KIAA1958: variants seen among roughly 807,000 people sequenced by gnomAD.
KIAA1958 encodes the protein uncharacterized protein KIAA1958.
In KIAA1958, 14 loss-of-function variants were observed where a neutral mutation model predicts 47.2. That is an observed-to-expected ratio of 0.30 (90% CI 0.20 to 0.46). The LOEUF is 0.46. Among genes scored for constraint, KIAA1958 ranks in the 20% least tolerant of loss-of-function variants. The probability of loss-of-function intolerance (pLI) is 1.00; values close to 1 mark genes in which losing one functional copy is unlikely to be tolerated. For synonymous variants in KIAA1958, 354 were observed against 353.3 expected, an observed-to-expected ratio of 1.00 and a Z score of -0.02; for missense variants, 803 against 909.2, an observed-to-expected ratio of 0.88 and a Z score of 1.50.
chr9:112,624,249 C>T (rs763741949), intron 2 of KIAA1958, among the ~76,000 whole-genome samples: 25 of 152,206 alleles, frequency 1.6e-4, no homozygotes, highest in Non-Finnish European at 3.2e-4. Flanking sequence ...AGATATGTCT[C>T]TGTACATCTA....
At chr9:112,638,309 C>T (rs568256531) in intron 2 of KIAA1958, among the ~76,000 whole-genome samples, 1 of 151,890 alleles carries the variant, frequency 6.6e-6, no homozygotes, top group Non-Finnish European at 1.5e-5. Flanking sequence ...ATTGAGACCT[C>T]CCTGGGCAAC....
At position 112,574,916 on chromosome 9, in the gene KIAA1958, C is replaced by T; in HGVS notation, c.836C>T (p.Pro279Leu). The stretch of plus-strand genomic sequence containing the variant: ...GCATCCCCCTCTGTGATCTCCAGAC[C>T]AATTGTCCAGAAGACTGCTAGGGTA... ...MSASPSVISR[P>L]IVQKTARVSL... Residue 279 changes from proline (P) to leucine (L), a missense_variant, in exon 2 of 4, where the codon CCA becomes CTA. By Grantham distance (98) the Pro-to-Leu change is moderately conservative. Transcript: ENST00000337530. 6.2e-7 allele frequency: 1 copy of T among 1,614,024 alleles called. No individual in the cohort carries two copies. The highest frequency in any genetic ancestry group is 8.5e-7 in the Non-Finnish European group (1 of 1,179,964).
intron 2 of KIAA1958, among the ~76,000 whole-genome samples, chr9:112,634,126 A>G (rs567921810): frequency 2.6e-5 from 4 of 152,156 alleles, no homozygotes; most frequent in Non-Finnish European, 4.4e-5. Context: ...CCATATCTTC[A>G]CTATCACTTG....
chr9:112,536,870 A>C (rs1031151428), intron 1 of KIAA1958, among the ~76,000 whole-genome samples: 2 of 152,212 alleles, frequency 1.3e-5, no homozygotes, highest in Non-Finnish European at 2.9e-5. Flanking sequence ...TTGAAGATAA[A>C]AAATAATAAT....
At chr9:112,591,383 T>C (rs2131190511) in intron 2 of KIAA1958, among the ~76,000 whole-genome samples, 1 of 151,932 alleles carries the variant, frequency 6.6e-6, no homozygotes, top group East Asian at 2.0e-4. Flanking sequence ...CACACCTGGC[T>C]GGTTTAGCTT....
At position 112,637,458 on chromosome 9, in the gene KIAA1958, T is replaced by C. The variant is rs142717848; in HGVS notation, c.1172-8192T>C. Among the ~76,000 whole-genome samples the C allele has an allele frequency of 6.8e-3, 1,030 of 152,212 alleles. 11 individuals are homozygous for C. The highest frequency in any genetic ancestry group is 0.023 in the African/African-American group (973 of 41,530). ...GTGAAGTGGCGCAATCTCAGCTCACTGCAACCTCCTCCAGTTTCAAGCGAC... is the reference window on the plus strand; with the variant it reads ...GTGAAGTGGCGCAATCTCAGCTCACCGCAACCTCCTCCAGTTTCAAGCGAC... On this transcript the variant is annotated intron_variant, in intron 2 of 3. Transcript: ENST00000337530.
At chr9:112,487,247 A>G in intron 1 of KIAA1958, 129 bp downstream of exon 1, 1 of 164,974 alleles carries the variant, frequency 6.1e-6, no homozygotes, top group Non-Finnish European at 1.3e-5. Flanking sequence ...CCGCGCGGTG[A>G]CCCGGCTGAA....
At chr9:112,492,393 A>G (rs980715751) in intron 1 of KIAA1958, among the ~76,000 whole-genome samples, 3 of 152,148 alleles carry the variant, frequency 2.0e-5, no homozygotes, top group African/African-American at 7.2e-5. Context: ...ATTTTACCTT[A>G]ATTACCTCTA....
chr9:112,586,329 C>T (rs561232716), intron 2 of KIAA1958, among the ~76,000 whole-genome samples: 56 of 152,322 alleles, frequency 3.7e-4, no homozygotes, highest in Non-Finnish European at 5.9e-4. Context: ...CTAAAAATAA[C>T]AAGCCTAGCT....
chr9:112,492,555 A>T (rs1022878618), intron 1 of KIAA1958, among the ~76,000 whole-genome samples: 2 of 152,158 alleles, frequency 1.3e-5, no homozygotes, highest in African/African-American at 4.8e-5. Context: ...CTACCTACAT[A>T]TGTACATACA....
chr9:112,659,322 C>T lies in KIAA1958; in HGVS notation c.1404C>T (p.Ser468=), dbSNP rs780271053. The T allele has an allele frequency of 1.5e-5, 25 of 1,613,956 alleles. No individual in the cohort carries two copies. Among genetic ancestry groups the T allele is most frequent in the South Asian group, 5.5e-5 (5 of 91,074 alleles). ...LENFYVTVKK[S]DGSDFLATSL... ...ACTTTTATGTCACCGTCAAGAAGAG[C>T]GACGGCTCGGACTTCCTGGCCACCT... Residue 468 remains serine, a synonymous_variant, in exon 4 of 4, where the codon AGC becomes AGT. Transcript: ENST00000337530.
At chr9:112,552,036 T>C (rs1464680887) in intron 1 of KIAA1958, among the ~76,000 whole-genome samples, 1 of 152,168 alleles carries the variant, frequency 6.6e-6, no homozygotes, top group Admixed American at 6.5e-5. Flanking sequence ...AAGTAGATAC[T>C]AGGTGGGTAG....
At chr9:112,516,615 C>CT (rs1189750840) in intron 1 of KIAA1958, among the ~76,000 whole-genome samples, 1 of 152,060 alleles carries the variant, frequency 6.6e-6, no homozygotes, top group Admixed American at 6.6e-5. Flanking sequence ...TTATAAAGCT[C>CT]TTATAGAAAT....
At chr9:112,646,954 A>G (rs894336745) in intron 3 of KIAA1958, among the ~76,000 whole-genome samples, 2 of 152,256 alleles carry the variant, frequency 1.3e-5, no homozygotes, top group Non-Finnish European at 2.9e-5. Context: ...TGGAACTGTT[A>G]AAGCTGGAAG....
At chr9:112,576,901 C>T (rs552101531) in intron 2 of KIAA1958, among the ~76,000 whole-genome samples, 1 of 152,164 alleles carries the variant, frequency 6.6e-6, no homozygotes, top group Admixed American at 6.5e-5. Flanking sequence ...TTGTATTTAA[C>T]TTTTTGAGGA....
Position 112,575,012 on chromosome 9 carries a change from C to T in KIAA1958, c.932C>T (p.Pro311Leu), listed in dbSNP as rs757461146. 2 of 1,614,190 alleles carry T rather than the reference C, an allele frequency of 1.2e-6. No individual in the cohort carries two copies. The highest frequency in any genetic ancestry group is 2.2e-5 in the South Asian group (2 of 91,082). The change falls in exon 2 of 4, where the codon CCT (proline) becomes CTT (leucine). Residue 311 changes from proline (P) to leucine (L), a missense_variant. Transcript: ENST00000337530. ...AACCAACAGGTGGCCATGCAAATGC[C>T]TGTGAGCACATCCCATCCTAACAAA... Reference protein sequence around the residue: ...GTNQQVAMQMPVSTSHPNKQI... With the variant: ...GTNQQVAMQMLVSTSHPNKQI...
chr9:112,547,377 CAAAAAAAAAA>C (rs58406658), intron 1 of KIAA1958, among the ~76,000 whole-genome samples: 3 of 84,026 alleles, frequency 3.6e-5, no homozygotes, highest in South Asian at 4.4e-4. Flanking sequence ...GACTCTGTCT[CAAAAAAAAAA>C]AAAAAAAAAA....
At chr9:112,540,879 A>AT (rs934039357) in intron 1 of KIAA1958, among the ~76,000 whole-genome samples, 10 of 150,952 alleles carry the variant, frequency 6.6e-5, no homozygotes, top group African/African-American at 1.5e-4. Context: ...CACCTGGATA[A>AT]TTTTTTTTTA....
chr9:112,563,214 G>A (rs1269231961), intron 1 of KIAA1958, among the ~76,000 whole-genome samples: 2 of 151,888 alleles, frequency 1.3e-5, no homozygotes, highest in African/African-American at 2.4e-5. Flanking sequence ...ATAGGTGTGA[G>A]CCTGTAATAT....
Sources: gnomAD v4.1 joint callset for allele counts (sites outside exome capture counted in the v4.1 genomes callset) on GRCh38, gnomAD v4.1.1 for gene constraint, MANE v1.5 for transcripts, NCBI Gene and HGNC (gene_info 2026-07-23, HGNC 2026-07-21) for gene names.